The following HACL1 variants were observed in gnomAD, a reference collection of about 807,000 sequenced individuals.
HACL1 encodes the protein 2-hydroxyacyl-CoA lyase 1.
In HACL1, 64 loss-of-function variants were observed where a neutral mutation model predicts 74.2. That is an observed-to-expected ratio of 0.86 (90% CI 0.70 to 1.06). HACL1 has a LOEUF of 1.06. Among genes scored for constraint, HACL1 ranks in the 50% least tolerant of loss-of-function variants. The pLI is 0.00. For missense variants in HACL1, 728 were observed against 719.7 expected, an observed-to-expected ratio of 1.01 and a Z score of -0.13; for synonymous variants, 230 against 238.8, an observed-to-expected ratio of 0.96 and a Z score of 0.34.
chr3:15,575,013 C>T lies in HACL1; in HGVS notation c.873G>A (p.Leu291=), dbSNP rs759946356. Residue 291 remains leucine (L), a synonymous_variant, in exon 10 of 17, where the codon CTG becomes CTA. Coordinates refer to ENST00000321169, the MANE Select transcript of HACL1 (RefSeq NM_012260.4). ...TCACATCTGGCTGATATCTTGGAGG[C>T]AGTCCAAAATGTAAAATCCAATTTA... ...ARLNWILHFG[L]PPRYQPDVKF... is the part of the protein sequence containing the mutation. 6.3e-7 allele frequency: 1 copy of T among 1,585,292 alleles called. No homozygotes were observed. The highest frequency in any genetic ancestry group is 8.7e-7 in the Non-Finnish European group (1 of 1,154,986).
At chr3:15,561,021 T>C in intron 16 of HACL1, 124 bp from the exon 17 acceptor site, 2 of 751,472 alleles carry the variant, frequency 2.7e-6, no homozygotes, top group Non-Finnish European at 4.6e-6. Flanking sequence ...AGGTTTGTCT[T>C]TGTTCTGGTG....
chr3:15,562,969 T>C (rs1214537278), intron 16 of HACL1, among the ~76,000 whole-genome samples: 3 of 104,762 alleles, frequency 2.9e-5, no homozygotes, highest in African/African-American at 4.8e-5. Flanking sequence ...AATCACCTCC[T>C]CTGAGAAGCC....
At position 15,588,606 on chromosome 3, in the gene HACL1, AAAAG is replaced by A. The variant is rs200109229; in HGVS notation, c.381+930_381+933del. On this transcript the variant is annotated intron_variant, in intron 5 of 16. Coordinates refer to ENST00000321169, the MANE Select transcript of HACL1 (RefSeq NM_012260.4). Reference sequence around the variant, plus strand: ...ATATCCTGTCTCAAAAAAGAAAAAAAAAAGAAAGAAAGAAAGACAGAGATAAGAC... The same window carrying A: ...ATATCCTGTCTCAAAAAAGAAAAAAAAAAGAAAGAAAGACAGAGATAAGAC... Among the ~76,000 whole-genome samples the A allele has an allele frequency of 4.7e-3, 717 of 152,254 alleles. 7 individuals are homozygous for A. Among genetic ancestry groups the A allele is most frequent in the Middle Eastern group, 0.017 (5 of 294 alleles).
chr3:15,592,065 C>CACA (rs1559560695), intron 3 of HACL1, among the ~76,000 whole-genome samples: 94 of 15,798 alleles, frequency 6.0e-3, no homozygotes, highest in African/African-American at 0.018. Flanking sequence ...CGTATATATA[C>CACA]GTATATACGT....
chr3:15,569,972 A>G (rs1052384907), intron 12 of HACL1, among the ~76,000 whole-genome samples: 33 of 149,674 alleles, frequency 2.2e-4, no homozygotes, highest in Non-Finnish European at 4.4e-4. Context: ...CCTGGGCAAC[A>G]AGAGTGAAAC....
At chr3:15,582,393 T>C (rs2063729167) in intron 8 of HACL1, among the ~76,000 whole-genome samples, 1 of 152,178 alleles carries the variant, frequency 6.6e-6, no homozygotes, top group Non-Finnish European at 1.5e-5. Context: ...TTTAAATATT[T>C]GCCAGGAAAG....
intron 9 of HACL1, among the ~76,000 whole-genome samples, chr3:15,576,340 C>T (rs2125247706): frequency 6.6e-6 from 1 of 152,068 alleles, no homozygotes; most frequent in South Asian, 2.1e-4. Flanking sequence ...ATGCACTCTT[C>T]ACATTGGTCC....
At chr3:15,581,093 G>C (rs916029062) in intron 8 of HACL1, among the ~76,000 whole-genome samples, 1 of 152,154 alleles carries the variant, frequency 6.6e-6, no homozygotes, top group Non-Finnish European at 1.5e-5. Context: ...GTAGAGACAG[G>C]GTTTCACCAT....
chr3:15,592,497 T>C lies in HACL1; in HGVS notation c.228-817A>G, dbSNP rs115480693. Among the ~76,000 whole-genome samples the C allele has an allele frequency of 3.0e-3, 411 of 139,034 alleles. 7 individuals carry two copies. The highest frequency in any genetic ancestry group is 7.6e-3 in the African/African-American group (244 of 32,044). 91.2% of individuals were successfully genotyped at this position (139,034 alleles called of 152,430 possible). ...ACGTATACATACACTTGTATACATATACACTTGTATATACACTTGTATACA... is the reference window on the plus strand; with the variant it reads ...ACGTATACATACACTTGTATACATACACACTTGTATATACACTTGTATACA... On this transcript the variant is annotated intron_variant, in intron 3 of 16. Coordinates refer to ENST00000321169, the MANE Select transcript of HACL1 (RefSeq NM_012260.4).
intron 16 of HACL1, 26 bp downstream of exon 16, chr3:15,563,332 G>A: frequency 6.5e-7 from 1 of 1,537,304 alleles, no homozygotes; most frequent in Non-Finnish European, 9.0e-7. Context: ...TGCATTTCTT[G>A]CTTTCTGCTT....
chr3:15,586,742 A>AG, intron 5 of HACL1, 140 bp from the exon 6 acceptor site: 1 of 552,674 alleles, frequency 1.8e-6, no homozygotes, highest in Non-Finnish European at 3.2e-6. Flanking sequence ...CTGTCCCTTA[A>AG]AAGCCTATTC....
chr3:15,594,335 G>A (rs2064017937), intron 3 of HACL1, among the ~76,000 whole-genome samples: 1 of 152,174 alleles, frequency 6.6e-6, no homozygotes, highest in Non-Finnish European at 1.5e-5. Flanking sequence ...GAACCTGGGA[G>A]GTGGAGTTTG....
chr3:15,578,411 T>A (rs2063662958), intron 9 of HACL1, among the ~76,000 whole-genome samples: 1 of 152,192 alleles, frequency 6.6e-6, no homozygotes, highest in East Asian at 1.9e-4. Flanking sequence ...AAACTTCCAA[T>A]GCCAGCCAAG....
At chr3:15,588,647 G>C (rs1320486642) in intron 5 of HACL1, among the ~76,000 whole-genome samples, 1 of 152,054 alleles carries the variant, frequency 6.6e-6, no homozygotes, top group African/African-American at 2.4e-5. Context: ...TGAATATGTT[G>C]TACAGACATA....
chr3:15,594,358 A>G (rs1438107125), intron 3 of HACL1, among the ~76,000 whole-genome samples: 9 of 152,178 alleles, frequency 5.9e-5, no homozygotes. Flanking sequence ...GTGAGCCGAG[A>G]TGGTGCCACT....
In HACL1 at chr3:15,563,564, G is replaced by A. The variant is rs1389454708; in HGVS notation, c.1518-20C>T. Reference sequence around the variant, plus strand: ...GGGACCCTGAAAAACAAGGTCATGAGTCAATGAAATTTAAATCTTAAACCT... The same window carrying A: ...GGGACCCTGAAAAACAAGGTCATGAATCAATGAAATTTAAATCTTAAACCT... On this transcript the variant is annotated intron_variant, in intron 15 of 16. Coordinates refer to ENST00000321169, the MANE Select transcript of HACL1 (RefSeq NM_012260.4). 6.7e-7 allele frequency: 1 copy of A among 1,496,504 alleles called. No homozygotes were observed. The highest frequency in any genetic ancestry group is 9.2e-7 in the Non-Finnish European group (1 of 1,089,526). The allele number at this position is 1,496,504 out of a possible 1,614,324, so 92.7% of individuals were successfully genotyped here.
At position 15,580,013 on chromosome 3, in the gene HACL1, T is replaced by G. The variant is rs1260904114; in HGVS notation, c.700A>C (p.Lys234Gln). The change falls in exon 9 of 17, where the codon AAG becomes CAG. Residue 234 changes from lysine (K) to glutamine (Q), a missense_variant. Transcript: ENST00000321169. ...AAYAHAEESI[K>Q]KLVEQYKLPF... ...AGTTTATATTGCTCCACCAATTTCT[T>G]GATACTCTCTTCTGCATGAGCGTAA... The G allele has an allele frequency of 6.2e-7, 1 of 1,611,920 alleles. No individual in the cohort carries two copies. Among genetic ancestry groups the G allele is most frequent in the Middle Eastern group, 1.7e-4 (1 of 6,056 alleles).
Position 15,567,206 on chromosome 3 carries a change from C to CTTTTTT in HACL1, c.1409+632_1409+637dup, listed in dbSNP as rs34317560. 3.7e-5 allele frequency among the ~76,000 whole-genome samples: 3 copies of CTTTTTT among 81,126 alleles called. 1 individual carries two copies. Among genetic ancestry groups the CTTTTTT allele is most frequent in the Non-Finnish European group, 7.2e-5 (3 of 41,404 alleles). The allele number at this position is 81,126 out of a possible 152,430, so 53.2% of individuals were successfully genotyped here. ...CCATTTGTCCCACAAGCCATGCTGC[C>CTTTTTT]TTTTTTTTTTTTTTTTTTTTTTGAG... On this transcript the variant is annotated intron_variant, in intron 14 of 16. Transcript: ENST00000321169.
intron 7 of HACL1, among the ~76,000 whole-genome samples, chr3:15,584,973 G>A (rs763450347): frequency 3.9e-5 from 6 of 152,018 alleles, no homozygotes; most frequent in Non-Finnish European, 7.4e-5. Context: ...CATTAACGAG[G>A]GATGTATATT....
Sources: gnomAD v4.1 joint callset for allele counts (sites outside exome capture counted in the v4.1 genomes callset) on GRCh38, gnomAD v4.1.1 for gene constraint, MANE v1.5 for transcripts, NCBI Gene and HGNC (gene_info 2026-07-23, HGNC 2026-07-21) for gene names.